Variants in TCF3 observed in about 807,000 individuals in gnomAD.
The protein encoded by TCF3 is transcription factor E2-alpha.
TCF3 carries 54 observed loss-of-function variants against 72.3 expected under a neutral mutation model. The observed-to-expected ratio is 0.75, with a 90% CI of 0.60 to 0.94. TCF3 has a LOEUF of 0.94. TCF3 is among the 40% of genes least tolerant of loss of function. TCF3 has a pLI of 0.00. For missense variants in TCF3, 1,078 were observed against 934.4 expected (o/e 1.15, Z -2.00); for synonymous variants, 525 against 412.6 (o/e 1.27, Z -3.30).
intron 9 of TCF3, 25 bp from the exon 10 acceptor site, chr19:1,622,248 G>C (rs2062329846): frequency 6.6e-7 from 1 of 1,515,722 alleles, no homozygotes; most frequent in Non-Finnish European, 8.8e-7. Flanking sequence ...TGGTAAGGTG[G>C]GGGCCGAGTG....
chr19:1,625,476 G>C (rs2062772567), intron 7 of TCF3, 100 bp downstream of exon 7: 1 of 1,376,260 alleles, frequency 7.3e-7, no homozygotes, highest in South Asian at 1.6e-5. Context: ...AAGGTGCGGG[G>C]TCTGCTCCCT....
intron 1 of TCF3, chr19:1,651,412 TCA>T (rs2067024911): frequency 4.4e-6 from 1 of 226,694 alleles, no homozygotes; most frequent in Non-Finnish European, 8.8e-6. Context: ...CCTCCCCCGC[TCA>T]GTTTTTTTCT....
Position 1,621,228 on chromosome 19 carries a change from C to A in TCF3, c.956-37G>T, listed in dbSNP as rs78569123. The A allele has an allele frequency of 1.5e-3, 2,305 of 1,526,152 alleles. 38 individuals are homozygous for A. The African/African-American group carries it at 0.028, about 19-fold the overall frequency. 94.5% of individuals were successfully genotyped at this position (1,526,152 alleles called of 1,614,324 possible). ...GAGAGGTGAGGCCCACGCAGCCCGG[C>A]CTGGGTGCTGCCGCCGACGGCAAGC... On this transcript the variant is annotated intron_variant, in intron 11 of 18. Coordinates refer to ENST00000262965, the MANE Select transcript of TCF3 (RefSeq NM_003200.5).
chr19:1,637,908 CA>C (rs1029525125), intron 3 of TCF3, among the ~76,000 whole-genome samples: 7 of 142,076 alleles, frequency 4.9e-5, no homozygotes, highest in South Asian at 2.2e-4. Context: ...GACTCCACCT[CA>C]AAAAAAAAAG....
chr19:1,614,617 T>C lies in TCF3; in HGVS notation c.1822+668A>G, dbSNP rs1375559265. 2.0e-5 allele frequency among the ~76,000 whole-genome samples: 3 copies of C among 151,956 alleles called. No individual in the cohort carries two copies. Among genetic ancestry groups the C allele is most frequent in the Non-Finnish European group, 4.4e-5 (3 of 67,962 alleles). On this transcript the variant is annotated intron_variant, in intron 18 of 18. Transcript: ENST00000262965. The surrounding 1 kb of genome is among the most constrained non-coding windows in gnomAD (Gnocchi z 5.6). ...CTGGCTCCGGTCCCAGCAACAGTGCTGCAGGAGAGAAAGGGTTAACGGGGT... is the reference window on the plus strand; with the variant it reads ...CTGGCTCCGGTCCCAGCAACAGTGCCGCAGGAGAGAAAGGGTTAACGGGGT...
At chr19:1,631,813 G>A (rs936274861) in intron 5 of TCF3, 95 of 1,203,424 alleles carry the variant, frequency 7.9e-5, no homozygotes, top group Non-Finnish European at 1.0e-4. Flanking sequence ...CTGCCTCTAC[G>A]CTCAGGCGGG....
At chr19:1,642,209 C>G (rs1372403252) in intron 3 of TCF3, among the ~76,000 whole-genome samples, 5 of 151,998 alleles carry the variant, frequency 3.3e-5, no homozygotes, top group East Asian at 1.9e-4. Context: ...CAGACACGCA[C>G]ACACGCGCAG....
At chr19:1,625,354 G>A (rs1171396013) in intron 7 of TCF3, among the ~76,000 whole-genome samples, 1 of 152,242 alleles carries the variant, frequency 6.6e-6, no homozygotes, top group Admixed American at 6.5e-5. Context: ...GGGACCAGAG[G>A]CTCGTAGGAA....
At position 1,646,352 on chromosome 19, in the gene TCF3, T is replaced by C. The variant is rs998725380; in HGVS notation, c.145+3A>G. 1.2e-5 allele frequency: 18 copies of C among 1,550,248 alleles called. No individual in the cohort carries two copies. Among genetic ancestry groups the C allele is most frequent in the Non-Finnish European group, 1.5e-5 (17 of 1,146,644 alleles). ...GAGCGCTGGCAGGAAGGCGGGGTCC[T>C]ACCTGAACCTCCGAACTGCGCCCCG... On this transcript the variant is annotated splice_donor_region_variant and intron_variant, in intron 3 of 18. Coordinates refer to ENST00000262965, the MANE Select transcript of TCF3 (RefSeq NM_003200.5).
intron 3 of TCF3, among the ~76,000 whole-genome samples, chr19:1,633,013 C>G (rs1307504341): frequency 6.6e-6 from 1 of 152,160 alleles, no homozygotes; most frequent in Non-Finnish European, 1.5e-5. Context: ...CAGGAACAAG[C>G]CCAGTGTGGA....
intron 8 of TCF3, among the ~76,000 whole-genome samples, chr19:1,623,254 C>G (rs1014583570): frequency 6.6e-6 from 1 of 151,952 alleles, no homozygotes; most frequent in African/African-American, 2.4e-5. Flanking sequence ...CTCCCTCCAG[C>G]GAGATGAGAC....
intron 3 of TCF3, among the ~76,000 whole-genome samples, chr19:1,642,777 G>A (rs772711576): frequency 5.3e-5 from 8 of 151,996 alleles, no homozygotes; most frequent in Non-Finnish European, 8.8e-5. Flanking sequence ...CGGTCACAAG[G>A]GACGCTTTCA....
At chr19:1,624,345 G>A (rs1212493235) in intron 7 of TCF3, among the ~76,000 whole-genome samples, 1 of 152,134 alleles carries the variant, frequency 6.6e-6, no homozygotes, top group Non-Finnish European at 1.5e-5. Flanking sequence ...GCAGTGAGCC[G>A]AGATCGTGTC....
intron 7 of TCF3, 49 bp downstream of exon 7, chr19:1,625,527 G>A (rs769464999): frequency 1.3e-6 from 2 of 1,505,652 alleles, no homozygotes; most frequent in Non-Finnish European, 1.8e-6. Flanking sequence ...ACCTCCCTTT[G>A]CAGGCTCCCT....
chr19:1,631,240 G>C (rs1037814199), intron 5 of TCF3, among the ~76,000 whole-genome samples: 7 of 151,766 alleles, frequency 4.6e-5, no homozygotes, highest in African/African-American at 1.7e-4. Flanking sequence ...TCCGTGGTGG[G>C]GTGGGACCAG....
chr19:1,621,304 G>T (rs1430159170), intron 11 of TCF3, 113 bp from the exon 12 acceptor site: 2 of 1,286,358 alleles, frequency 1.6e-6, no homozygotes, highest in African/African-American at 1.5e-5. Flanking sequence ...AGGGAGAGCA[G>T]CCTGACTCGG....
chr19:1,619,157 C>T lies in TCF3; in HGVS notation c.1404G>A (p.Gln468=). 6.2e-7 allele frequency: 1 copy of T among 1,600,196 alleles called. No individual in the cohort carries two copies. The highest frequency in any genetic ancestry group is 8.5e-7 in the Non-Finnish European group (1 of 1,179,764). The part of the protein sequence containing the change: ...LMHNHAALPS[Q]PGTLPDLSRP... The stretch of plus-strand genomic sequence containing the variant: ...GAGACAGGTCAGGGAGGGTGCCTGG[C>T]TGGCTGGGGAGGGCCGCGTGGTTGT... Residue 468 remains glutamine, a synonymous_variant, in exon 16 of 19, where the codon CAG becomes CAA. Coordinates refer to ENST00000262965, the MANE Select transcript of TCF3 (RefSeq NM_003200.5).
chr19:1,615,695 G>T lies in TCF3; in HGVS notation c.1577C>A (p.Ala526Asp). 1.2e-6 allele frequency: 2 copies of T among 1,613,360 alleles called. No individual in the cohort carries two copies. Among genetic ancestry groups the T allele is most frequent in the Non-Finnish European group, 1.7e-6 (2 of 1,179,594 alleles). Residue 526 changes from alanine (A) to aspartate (D), a missense_variant, in exon 17 of 19, where the codon GCC (alanine) becomes GAC (aspartate). Ala to Asp is a moderately radical substitution (Grantham distance 126, BLOSUM62 -2). Transcript: ENST00000262965. The surrounding 1 kb of genome is among the most constrained non-coding windows in gnomAD (Gnocchi z 7.3). ...EEKKELKAPR[A>D]RTSPDEDEDD... ...AGGGGTGGGTTGGCACCTGGTCCGG[G>T]CCCGGGGGGCCTTCAGCTCCTTCTT...
chr19:1,650,198 A>C lies in TCF3; in HGVS notation c.51T>G (p.Ser17Arg). Residue 17 changes from serine to arginine, a missense_variant, in exon 2 of 19, where the codon AGT (serine) becomes AGG (arginine). By Grantham distance (110) the Ser-to-Arg change is moderately radical. Transcript: ENST00000262965. ...MAPVGTDKEL[S>R]DLLDFSMMFP... is the part of the protein sequence containing the mutation. The stretch of plus-strand genomic sequence containing the variant: ...TCACCATGCTGAAGTCCAGGAGGTC[A>C]CTGAGCTCCTTGTCTGTGCCCACAG... 1 of 1,572,552 alleles carries C rather than the reference A, an allele frequency of 6.4e-7. No individual in the cohort carries two copies. Among genetic ancestry groups the C allele is most frequent in the Middle Eastern group, 1.7e-4 (1 of 5,998 alleles).
Sources: gnomAD v4.1 joint callset for allele counts (sites outside exome capture counted in the v4.1 genomes callset) on GRCh38, gnomAD v4.1.1 for gene constraint, Gnocchi (gnomAD v3.1) non-coding constraint, MANE v1.5 for transcripts, NCBI Gene and HGNC (gene_info 2026-07-23, HGNC 2026-07-21) for gene names.